The following PRPF31 variants were observed in gnomAD, a reference collection of about 807,000 sequenced individuals.
PRPF31 encodes the protein U4/U6 small nuclear ribonucleoprotein Prp31.
Under a neutral mutation model 60.4 loss-of-function variants are expected in PRPF31, and 12 were observed. The observed-to-expected ratio is 0.20, with a 90% CI of 0.13 to 0.32. The LOEUF (loss-of-function observed/expected upper bound fraction) is 0.32, where lower values mean the gene tolerates loss of function less well. PRPF31 is among the 10% of genes least tolerant of loss of function. PRPF31 has a pLI of 1.00. For missense variants in PRPF31, 431 were observed against 687.1 expected, an observed-to-expected ratio of 0.63 and a Z score of 4.17; for synonymous variants, 287 against 287.9, an observed-to-expected ratio of 1.00 and a Z score of 0.03.
Position 54,129,179 on chromosome 19 carries a change from G to A in PRPF31, c.1269G>A (p.Thr423=), listed in dbSNP as rs946972331. The A allele has an allele frequency of 1.9e-6, 3 of 1,588,580 alleles. No individual in the cohort carries two copies. Among genetic ancestry groups the A allele is most frequent in the African/African-American group, 1.3e-5 (1 of 74,644 alleles). ...NEATKARISK[T]LQRTLQKQSV... ...CCACCAAGGCCAGGATCTCCAAGAC[G>A]CTGCAGGTATGGGCCAGACCCAGGT... The change falls in exon 12 of 14, where the codon ACG becomes ACA. Residue 423 remains threonine, a synonymous_variant. Coordinates refer to ENST00000321030, the MANE Select transcript of PRPF31 (RefSeq NM_015629.4).
At chr19:54,126,880 C>T (rs970917292) in intron 9 of PRPF31, among the ~76,000 whole-genome samples, 3 of 152,214 alleles carry the variant, frequency 2.0e-5, no homozygotes, top group African/African-American at 7.2e-5. Context: ...CCTGTAATCC[C>T]AGCACTTTGG....
chr19:54,131,204 C>G, intron 13 of PRPF31, 103 bp from the exon 14 acceptor site: 2 of 1,506,770 alleles, frequency 1.3e-6, no homozygotes, highest in East Asian at 2.3e-5. Context: ...TCATGCCCAC[C>G]AAGGCCTGAG....
chr19:54,124,482 C>T lies in PRPF31; in HGVS notation c.698-17C>T. 6.3e-7 allele frequency: 1 copy of T among 1,589,326 alleles called. No individual in the cohort carries two copies. The highest frequency in any genetic ancestry group is 8.6e-7 in the Non-Finnish European group (1 of 1,167,422). On this transcript the variant is annotated splice_polypyrimidine_tract_variant and intron_variant, in intron 7 of 13. Transcript: ENST00000321030. ...TTCTTCTGACCGCCCCCCCTTCCTCCCTCCCTCCCACCGCAGGTGTGGCCG... is the reference window on the plus strand; with the variant it reads ...TTCTTCTGACCGCCCCCCCTTCCTCTCTCCCTCCCACCGCAGGTGTGGCCG...
chr19:54,119,360 C>G (rs1256081701), intron 3 of PRPF31, among the ~76,000 whole-genome samples: 1 of 149,574 alleles, frequency 6.7e-6, no homozygotes, highest in Non-Finnish European at 1.5e-5. Flanking sequence ...CCAGCCTGGG[C>G]GACAGAGCAA....
At chr19:54,121,460 G>A (rs1285210598) in intron 3 of PRPF31, among the ~76,000 whole-genome samples, 4 of 152,128 alleles carry the variant, frequency 2.6e-5, no homozygotes, top group African/African-American at 9.7e-5. Context: ...ACAGGAACGG[G>A]GGAACTCCCT....
At chr19:54,124,222 G>A (rs376189978) in intron 7 of PRPF31, 88 of 647,406 alleles carry the variant, frequency 1.4e-4, no homozygotes, top group African/African-American at 8.8e-4. Context: ...TCCCTGGAAC[G>A]GCGTTAGTGT....
chr19:54,123,673 C>G, intron 6 of PRPF31, 76 bp from the exon 7 acceptor site: 1 of 1,540,528 alleles, frequency 6.5e-7, no homozygotes, highest in South Asian at 1.2e-5. Flanking sequence ...CACACACACA[C>G]AGAACCGAGA....
At position 54,118,323 on chromosome 19, in the gene PRPF31, A is replaced by G. The variant is rs1249610474; in HGVS notation, c.45A>G (p.Ala15=). Residue 15 remains alanine, a synonymous_variant, in exon 2 of 14, where the codon GCA becomes GCG. Transcript: ENST00000321030. ...TCTTAGCTGATCTCGAAGAGGCAGC[A>G]GAAGAGGAGGAAGGAGGAAGCTATG... ...DELLADLEEA[A]EEEEGGSYGE... is the part of the protein sequence containing the mutation. 2 of 1,613,874 alleles carry G rather than the reference A, an allele frequency of 1.2e-6. No homozygotes were observed.
intron 9 of PRPF31, among the ~76,000 whole-genome samples, chr19:54,126,838 A>C (rs1568595649): frequency 2.0e-5 from 3 of 152,164 alleles, no homozygotes; most frequent in Admixed American, 6.5e-5. Flanking sequence ...GGCTTAAAAC[A>C]GTGCAGGTGT....
At chr19:54,122,037 A>G (rs1457273967) in intron 4 of PRPF31, 94 bp downstream of exon 4, 6 of 1,322,202 alleles carry the variant, frequency 4.5e-6, no homozygotes, top group Non-Finnish European at 6.3e-6. Context: ...TCCTGCCCCT[A>G]AGCCCAAGCT....
chr19:54,126,199 C>G (rs762885508), intron 8 of PRPF31, among the ~76,000 whole-genome samples: 2 of 152,184 alleles, frequency 1.3e-5, no homozygotes, highest in Non-Finnish European at 2.9e-5. Flanking sequence ...TGAGATGATC[C>G]GAGGGGCGTG....
intron 5 of PRPF31, 172 bp from the exon 6 acceptor site, chr19:54,123,282 A>C: frequency 1.5e-6 from 1 of 669,752 alleles, no homozygotes; most frequent in Admixed American, 2.2e-5. Flanking sequence ...GACGTGGTGG[A>C]GGCAGGAATG....
intron 13 of PRPF31, among the ~76,000 whole-genome samples, chr19:54,129,932 G>A (rs2074012889): frequency 6.6e-6 from 1 of 152,118 alleles, no homozygotes; most frequent in African/African-American, 2.4e-5. Flanking sequence ...CACCTGCTGA[G>A]TTCTGTCAGT....
At chr19:54,129,871 G>A (rs2074011266) in intron 13 of PRPF31, among the ~76,000 whole-genome samples, 1 of 151,932 alleles carries the variant, frequency 6.6e-6, no homozygotes, top group South Asian at 2.1e-4. Flanking sequence ...CTGCACCACG[G>A]AGGCGAGACA....
intron 5 of PRPF31, chr19:54,123,049 G>C (rs1284334065): frequency 2.2e-6 from 1 of 448,500 alleles, no homozygotes; most frequent in Non-Finnish European, 4.1e-6. Context: ...TCGGAAAAGA[G>C]GGGCAGGTGT....
At chr19:54,124,473 C>A (rs1031348782) in intron 7 of PRPF31, 26 bp from the exon 8 acceptor site, 1 of 1,579,986 alleles carries the variant, frequency 6.3e-7, no homozygotes, top group Admixed American at 1.7e-5. Flanking sequence ...TGACCGCCCC[C>A]CCTTCCTCCC....
chr19:54,124,531 A>G lies in PRPF31; in HGVS notation c.730A>G (p.Met244Val), dbSNP rs763426323. The G allele has an allele frequency of 6.2e-7, 1 of 1,610,406 alleles. No individual in the cohort carries two copies. The highest frequency in any genetic ancestry group is 8.5e-7 in the Non-Finnish European group (1 of 1,179,440). The change falls in exon 8 of 14, where the codon ATG becomes GTG. Residue 244 changes from methionine to valine, a missense_variant. Met to Val is a conservative substitution (Grantham distance 21, BLOSUM62 1). This residue lies in a region of PRPF31 where 314 missense variants were observed against 475.3 expected (regional missense o/e 0.66). Transcript: ENST00000321030. The stretch of plus-strand genomic sequence containing the variant: ...CGGCGGCCTGACCAACCTCTCCAAG[A>G]TGCCCGCCTGCAACATCATGCTGCT... ...VAGGLTNLSKMPACNIMLLGA... is the reference protein window; with the variant it reads ...VAGGLTNLSKVPACNIMLLGA...
intron 3 of PRPF31, among the ~76,000 whole-genome samples, chr19:54,119,351 C>T (rs1440980927): frequency 6.6e-6 from 1 of 151,052 alleles, no homozygotes; most frequent in Non-Finnish European, 1.5e-5. Flanking sequence ...CACTGCACTC[C>T]AGCCTGGGCG....
At chr19:54,121,644 G>T (rs587719468) in intron 3 of PRPF31, among the ~76,000 whole-genome samples, 43 of 152,274 alleles carry the variant, frequency 2.8e-4, no homozygotes, top group East Asian at 9.7e-4. Context: ...CAGTTCTGGG[G>T]TAGATGGGGT....
Sources: gnomAD v4.1 joint callset for allele counts (sites outside exome capture counted in the v4.1 genomes callset) on GRCh38, gnomAD v4.1.1 for gene constraint, gnomAD v4.1.1 regional missense constraint, MANE v1.5 for transcripts, NCBI Gene and HGNC (gene_info 2026-07-23, HGNC 2026-07-21) for gene names.